The following PHF21A variants were observed in gnomAD, a reference collection of about 807,000 sequenced individuals.
PHF21A encodes the protein PHD finger protein 21A, also known as BHC80a.
Under a neutral mutation model 82.5 loss-of-function variants are expected in PHF21A, and 11 were observed. That is an observed-to-expected ratio of 0.13 (90% CI 0.08 to 0.22). The LOEUF (loss-of-function observed/expected upper bound fraction) is 0.22, where lower values mean the gene tolerates loss of function less well. Ranked by LOEUF, PHF21A falls within the 10% of genes least tolerant of loss-of-function variation. The pLI is 1.00. For synonymous variants in PHF21A, 297 were observed against 302.8 expected, an observed-to-expected ratio of 0.98 and a Z score of 0.20; for missense variants, 579 against 837.8, an observed-to-expected ratio of 0.69 and a Z score of 3.81.
chr11:46,031,041 T>C (rs1348317131), intron 6 of PHF21A, among the ~76,000 whole-genome samples: 1 of 152,168 alleles, frequency 6.6e-6, no homozygotes, highest in Non-Finnish European at 1.5e-5. Context: ...GAGTGAACTT[T>C]TACAGGAAAT....
Position 45,971,183 on chromosome 11 carries a change from G to T in PHF21A, c.545C>A (p.Thr182Lys). Residue 182 changes from threonine (T) to lysine (K), a missense_variant, in exon 8 of 19, where the codon ACG becomes AAG. Coordinates refer to ENST00000676320, the MANE Select transcript of PHF21A (RefSeq NM_001352027.3). ...DVQNTPVNLQ[T>K]SSKVTGPGAE... ...CCCAGGCCCAGTGACCTTACTAGACGTCTGGAGGTTGACTGGTGTGTTCTG... is the reference window on the plus strand; with the variant it reads ...CCCAGGCCCAGTGACCTTACTAGACTTCTGGAGGTTGACTGGTGTGTTCTG... 1 of 1,614,164 alleles carries T rather than the reference G, an allele frequency of 6.2e-7. No individual in the cohort carries two copies. The highest frequency in any genetic ancestry group is 8.5e-7 in the Non-Finnish European group (1 of 1,180,012).
At chr11:45,972,193 C>G (rs1022695412) in intron 7 of PHF21A, among the ~76,000 whole-genome samples, 3 of 151,994 alleles carry the variant, frequency 2.0e-5, no homozygotes, top group African/African-American at 7.2e-5. Context: ...AGAAGATGAA[C>G]TGAGGTGAGA....
chr11:45,975,220 G>A (rs1261274298), intron 7 of PHF21A, among the ~76,000 whole-genome samples: 1 of 151,920 alleles, frequency 6.6e-6, no homozygotes, highest in African/African-American at 2.4e-5. Flanking sequence ...AGGCTGAGGT[G>A]GAAGGATCAC....
At position 45,969,818 on chromosome 11, in the gene PHF21A, T is replaced by A; in HGVS notation, c.699A>T (p.Pro233=). ...AGCTTGTCATTGGTTTACTCACCTG[T>A]GGAAGAAAGTTTGGACGTGGAGTGA... ...PRLTPRPNFL[P]QVRPKPVAQN... is the part of the protein sequence containing the mutation. Residue 233 remains proline, a synonymous_variant, in exon 9 of 19, where the codon CCA becomes CCT. Transcript: ENST00000676320. 6.2e-7 allele frequency: 1 copy of A among 1,604,954 alleles called. No homozygotes were observed. Among genetic ancestry groups the A allele is most frequent in the Non-Finnish European group, 8.5e-7 (1 of 1,171,696 alleles).
At chr11:46,075,929 TG>T (rs2096719113) in intron 6 of PHF21A, among the ~76,000 whole-genome samples, 2 of 152,232 alleles carry the variant, frequency 1.3e-5, no homozygotes, top group Non-Finnish European at 2.9e-5. Flanking sequence ...AAAATGTCAC[TG>T]GCATGAAATA....
intron 2 of PHF21A, among the ~76,000 whole-genome samples, chr11:46,091,425 T>C (rs1437010909): frequency 6.6e-6 from 1 of 152,186 alleles, no homozygotes; most frequent in Non-Finnish European, 1.5e-5. Flanking sequence ...TAAAAAAACC[T>C]CTCAAAGTAG....
intron 16 of PHF21A, among the ~76,000 whole-genome samples, 177 bp downstream of exon 16, chr11:45,937,980 G>A (rs975570933): frequency 6.6e-6 from 1 of 152,188 alleles, no homozygotes; most frequent in Non-Finnish European, 1.5e-5. Flanking sequence ...TATGGCAGAG[G>A]GCTTCTGAGG....
intron 6 of PHF21A, among the ~76,000 whole-genome samples, chr11:46,052,901 T>G (rs973911171): frequency 6.6e-6 from 1 of 152,206 alleles, no homozygotes. Flanking sequence ...CAGTTCCATC[T>G]TCAAGGGGCA....
At chr11:46,093,172 T>C (rs1262126620) in intron 1 of PHF21A, among the ~76,000 whole-genome samples, 2 of 152,370 alleles carry the variant, frequency 1.3e-5, no homozygotes, top group Non-Finnish European at 2.9e-5. Flanking sequence ...CCCAATCCAA[T>C]ATTAGGAAAC....
At chr11:45,989,944 A>T (rs1462890254) in intron 6 of PHF21A, among the ~76,000 whole-genome samples, 3 of 152,024 alleles carry the variant, frequency 2.0e-5, no homozygotes, top group African/African-American at 7.2e-5. Context: ...GTGAGCCATG[A>T]TCGTGCCACT....
At chr11:46,005,991 A>G (rs1374659423) in intron 6 of PHF21A, among the ~76,000 whole-genome samples, 2 of 152,218 alleles carry the variant, frequency 1.3e-5, no homozygotes, top group Non-Finnish European at 2.9e-5. Flanking sequence ...GCCTGTGGAA[A>G]AGCACAATTT....
At chr11:46,040,553 A>G (rs1366704047) in intron 6 of PHF21A, among the ~76,000 whole-genome samples, 1 of 152,180 alleles carries the variant, frequency 6.6e-6, no homozygotes, top group African/African-American at 2.4e-5. Context: ...ATTACTCATT[A>G]CTGCAGTACA....
intron 7 of PHF21A, among the ~76,000 whole-genome samples, chr11:45,976,417 G>A (rs1023887772): frequency 5.9e-5 from 9 of 152,158 alleles, no homozygotes; most frequent in South Asian, 4.1e-4. Context: ...AACAGTGCTT[G>A]CACACAGTAG....
intron 1 of PHF21A, among the ~76,000 whole-genome samples, chr11:46,097,325 T>C (rs1342478650): frequency 2.0e-5 from 3 of 152,074 alleles, no homozygotes; most frequent in Non-Finnish European, 2.9e-5. Context: ...ACTGAGTGAT[T>C]TGGGCCTCTG....
intron 7 of PHF21A, among the ~76,000 whole-genome samples, chr11:45,974,288 A>T (rs1292776709): frequency 6.6e-6 from 1 of 152,172 alleles, no homozygotes; most frequent in Non-Finnish European, 1.5e-5. Context: ...GTATTAGGGA[A>T]CACAAACCAA....
At chr11:46,032,925 T>C (rs998186500) in intron 6 of PHF21A, among the ~76,000 whole-genome samples, 1 of 152,202 alleles carries the variant, frequency 6.6e-6, no homozygotes, top group African/African-American at 2.4e-5. Flanking sequence ...TACATGTACA[T>C]ATAATCTCTA....
At chr11:45,951,044 G>A (rs775448348) in intron 11 of PHF21A, among the ~76,000 whole-genome samples, 3 of 152,164 alleles carry the variant, frequency 2.0e-5, no homozygotes, top group Non-Finnish European at 4.4e-5. Context: ...TCAAAATACT[G>A]GGCCCTGAAG....
intron 6 of PHF21A, among the ~76,000 whole-genome samples, chr11:46,075,067 CTGAAA>C (rs1373162413): frequency 3.3e-5 from 5 of 152,152 alleles, no homozygotes; most frequent in African/African-American, 9.7e-5. Context: ...ATTCCAGTTT[CTGAAA>C]TGCAAACTTA....
chr11:45,976,541 C>T (rs1040316585), intron 7 of PHF21A, among the ~76,000 whole-genome samples: 1 of 152,130 alleles, frequency 6.6e-6, no homozygotes, highest in Non-Finnish European at 1.5e-5. Context: ...ATTGGTAGTA[C>T]CAATAAATAG....
Sources: gnomAD v4.1 joint callset for allele counts (sites outside exome capture counted in the v4.1 genomes callset) on GRCh38, gnomAD v4.1.1 for gene constraint, MANE v1.5 for transcripts, NCBI Gene and HGNC (gene_info 2026-07-23, HGNC 2026-07-21) for gene names.